ACTR10: variants seen among roughly 807,000 people sequenced by gnomAD.
ACTR10 encodes actin related protein 10.
A neutral mutation model predicts 56.2 loss-of-function variants in ACTR10; 43 were observed. That is an observed-to-expected ratio of 0.77 (90% confidence interval 0.60 to 0.99). The LOEUF (loss-of-function observed/expected upper bound fraction) is 0.99. Among genes scored for constraint, ACTR10 ranks in the 50% least tolerant of loss-of-function variants. ACTR10 has a pLI of 0.00. For missense variants in ACTR10, 466 were observed against 507.8 expected (o/e 0.92, Z 0.79); for synonymous variants, 170 against 176.3 (o/e 0.96, Z 0.28).
chr14:58,216,163 T>C (rs1889129161), intron 7 of ACTR10, among the ~76,000 whole-genome samples: 1 of 152,152 alleles, frequency 6.6e-6, no homozygotes, highest in African/African-American at 2.4e-5. Flanking sequence ...CTCACTCTGT[T>C]GCCCAGACTG....
At chr14:58,211,614 G>A (rs1888998237) in intron 5 of ACTR10, among the ~76,000 whole-genome samples, 1 of 152,100 alleles carries the variant, frequency 6.6e-6, no homozygotes, top group South Asian at 2.1e-4. Context: ...TACTCCAGGA[G>A]TATACCTCAT....
At chr14:58,207,194 C>T (rs1888888377) in intron 2 of ACTR10, 1 of 158,332 alleles carries the variant, frequency 6.3e-6, no homozygotes, top group South Asian at 1.5e-4. Flanking sequence ...GTGCACGCCA[C>T]CACGCCTAGC....
chr14:58,208,064 C>T (rs746575344), intron 3 of ACTR10, 46 bp downstream of exon 3: 1 of 1,461,508 alleles, frequency 6.8e-7, no homozygotes, highest in South Asian at 1.4e-5. Context: ...GATAGATTTT[C>T]CTAATGCCAT....
chr14:58,233,104 C>G (rs181361752), intron 12 of ACTR10, among the ~76,000 whole-genome samples: 3 of 151,768 alleles, frequency 2.0e-5, no homozygotes, highest in Admixed American at 2.0e-4. Flanking sequence ...AACTCCTGAC[C>G]TCAGGTGATC....
At chr14:58,216,436 C>T (rs548825805) in intron 7 of ACTR10, among the ~76,000 whole-genome samples, 1 of 152,148 alleles carries the variant, frequency 6.6e-6, no homozygotes, top group Non-Finnish European at 1.5e-5. Flanking sequence ...GCCAATTTTT[C>T]ACAAAATAAA....
intron 8 of ACTR10, 56 bp downstream of exon 8, chr14:58,219,785 A>T (rs577320255): frequency 1.8e-6 from 2 of 1,127,456 alleles, no homozygotes; most frequent in Non-Finnish European, 2.5e-6. Context: ...TTTGGAGGGC[A>T]TATGCTTCTA....
intron 6 of ACTR10, 80 bp from the exon 7 acceptor site, chr14:58,215,125 C>A (rs1050456820): frequency 9.3e-6 from 8 of 858,222 alleles, no homozygotes; most frequent in Non-Finnish European, 3.5e-6. Context: ...TCATAATAAT[C>A]TATTATGTAG....
At chr14:58,206,294 G>A (rs1482017305) in intron 2 of ACTR10, among the ~76,000 whole-genome samples, 3 of 150,922 alleles carry the variant, frequency 2.0e-5, no homozygotes, top group Non-Finnish European at 4.4e-5. Context: ...TCCTCTCTCA[G>A]CCTCCCAAGT....
intron 10 of ACTR10, among the ~76,000 whole-genome samples, chr14:58,227,337 C>T (rs1232997160): frequency 1.3e-5 from 2 of 152,036 alleles, no homozygotes; most frequent in Non-Finnish European, 2.9e-5. Flanking sequence ...TTGACACCAG[C>T]CTGGCCAACA....
At chr14:58,204,391 T>A (rs1888804201) in intron 2 of ACTR10, among the ~76,000 whole-genome samples, 1 of 148,454 alleles carries the variant, frequency 6.7e-6, no homozygotes, top group Non-Finnish European at 1.5e-5. Context: ...CTCAAAAAAA[T>A]AAAATAAAAT....
chr14:58,213,664 GGA>G lies in ACTR10; in HGVS notation c.486_487del (p.Ala163ThrfsTer23). On this transcript the variant is annotated frameshift_variant, in exon 6 of 13. Coordinates refer to ENST00000254286, the MANE Select transcript of ACTR10 (RefSeq NM_018477.3). LOFTEE classifies it high-confidence loss of function. Reference protein sequence around the residue: ...YEGIPVLNCWGALPLGGKALH... With the variant: ...YEGIPVLNCWXALPLGGKALH... ...AGGAATCCCAGTTCTAAATTGTTGG[GGA>G]GCACTACCCCTAGGAGGAAAAGCTC... 6.2e-7 allele frequency: 1 copy of G among 1,612,298 alleles called. No individual in the cohort carries two copies. Among genetic ancestry groups the G allele is most frequent in the African/African-American group, 1.3e-5 (1 of 74,922 alleles).
In ACTR10 at chr14:58,235,133, C is replaced by G. The variant is rs941047050; in HGVS notation, c.*582C>G. On this transcript the variant is annotated 3_prime_UTR_variant, in exon 13 of 13. Transcript: ENST00000254286. ...GTACCAGCCTATGTTGCTTGTCTTT[C>G]AAAAAGAACAGTATTTCTCCACAGT... 1.3e-5 allele frequency: 2 copies of G among 152,062 alleles called. No homozygotes were observed. Among genetic ancestry groups the G allele is most frequent in the Non-Finnish European group, 2.9e-5 (2 of 68,028 alleles). 9.4% of individuals were successfully genotyped at this position (152,062 alleles called of 1,614,324 possible).
Position 58,232,231 on chromosome 14 carries a change from C to T in ACTR10, c.1036C>T (p.Pro346Ser). 1 of 1,613,518 alleles carries T rather than the reference C, an allele frequency of 6.2e-7. No individual in the cohort carries two copies. The highest frequency in any genetic ancestry group is 8.5e-7 in the Non-Finnish European group (1 of 1,179,786). The change falls in exon 12 of 13, where the codon CCA becomes TCA. Residue 346 changes from proline to serine, a missense_variant. Pro to Ser is a moderately conservative substitution (Grantham distance 74). Transcript: ENST00000254286. ...CACTAAGACATTTCGAATTCATACT[C>T]CACCTGCAAAAGCTAATTGTGTGGC... is the stretch of plus-strand genomic sequence containing the variant. ...LGTKTFRIHTPPAKANCVAWL... is the reference protein window; with the variant it reads ...LGTKTFRIHTSPAKANCVAWL...
intron 12 of ACTR10, among the ~76,000 whole-genome samples, chr14:58,232,848 A>T (rs1275780835): frequency 2.0e-5 from 3 of 151,030 alleles, no homozygotes; most frequent in African/African-American, 7.3e-5. Flanking sequence ...AATTTATTCC[A>T]GTGATGCTAC....
At chr14:58,216,703 A>C (rs1053035167) in intron 7 of ACTR10, among the ~76,000 whole-genome samples, 1 of 151,950 alleles carries the variant, frequency 6.6e-6, no homozygotes, top group Non-Finnish European at 1.5e-5. Context: ...TTCTTTGCCT[A>C]GTTTGGTTTT....
At chr14:58,206,090 A>G (rs367623419) in intron 2 of ACTR10, among the ~76,000 whole-genome samples, 1 of 151,994 alleles carries the variant, frequency 6.6e-6, no homozygotes, top group Non-Finnish European at 1.5e-5. Flanking sequence ...CTTTATAACA[A>G]TTGGCATTAC....
intron 1 of ACTR10, 53 bp downstream of exon 1, chr14:58,200,347 G>A: frequency 7.0e-7 from 1 of 1,428,592 alleles, no homozygotes; most frequent in South Asian, 1.5e-5. Flanking sequence ...GCGGGTGGCA[G>A]AGCCCCAGGC....
chr14:58,200,898 A>G (rs922049386), intron 1 of ACTR10, among the ~76,000 whole-genome samples: 16 of 152,202 alleles, frequency 1.1e-4, no homozygotes, highest in African/African-American at 3.4e-4. Flanking sequence ...GAGGTTCTCA[A>G]CCTTTCGGAT....
chr14:58,221,829 G>A (rs1889278524), intron 8 of ACTR10, among the ~76,000 whole-genome samples: 1 of 151,802 alleles, frequency 6.6e-6, no homozygotes, highest in African/African-American at 2.4e-5. Context: ...GAGGTAGGAG[G>A]ATCACTTGAA....
Sources: gnomAD v4.1 joint callset for allele counts (sites outside exome capture counted in the v4.1 genomes callset) on GRCh38, gnomAD v4.1.1 for gene constraint, MANE v1.5 for transcripts, NCBI Gene and HGNC (gene_info 2026-07-23, HGNC 2026-07-21) for gene names.